Variants in SPTB observed in about 807,000 individuals in gnomAD.
The protein encoded by SPTB is spectrin beta, erythrocytic.
In SPTB, 45 loss-of-function variants were observed where a neutral mutation model predicts 256.2. The observed-to-expected ratio is 0.18, with a 90% CI of 0.14 to 0.23. The LOEUF (loss-of-function observed/expected upper bound fraction) is 0.23, where lower values mean the gene tolerates loss of function less well. Among genes scored for constraint, SPTB ranks in the 10% least tolerant of loss-of-function variants. The pLI is 1.00. For synonymous variants in SPTB, 1,231 were observed against 1,243.1 expected, an observed-to-expected ratio of 0.99 and a Z score of 0.21; for missense variants, 2,715 against 3,040.4, an observed-to-expected ratio of 0.89 and a Z score of 2.52.
intron 32 of SPTB, 58 bp from the exon 33 acceptor site, chr14:64,753,851 G>A: frequency 6.2e-7 from 1 of 1,602,534 alleles, no homozygotes; most frequent in Non-Finnish European, 8.5e-7. Context: ...AGAGATGGCT[G>A]TTCTCAGCAA....
chr14:64,801,209 C>A, intron 7 of SPTB, 76 bp downstream of exon 7: 3 of 1,301,822 alleles, frequency 2.3e-6, no homozygotes, highest in Non-Finnish European at 3.3e-6. Flanking sequence ...GAAGTCCTGG[C>A]GGCTGAGCTC....
chr14:64,752,474 G>C (rs1434393221), intron 33 of SPTB, among the ~76,000 whole-genome samples: 2 of 152,218 alleles, frequency 1.3e-5, no homozygotes, highest in Non-Finnish European at 2.9e-5. Flanking sequence ...CTGGCAGAAA[G>C]GCAGTTACTA....
intron 2 of SPTB, among the ~76,000 whole-genome samples, chr14:64,815,587 T>C (rs1478689831): frequency 6.6e-6 from 1 of 152,198 alleles, no homozygotes; most frequent in Non-Finnish European, 1.5e-5. Flanking sequence ...GGTGGCTGCA[T>C]AGAGAGATTA....
At chr14:64,813,540 G>A (rs1012055941) in intron 2 of SPTB, among the ~76,000 whole-genome samples, 1 of 152,032 alleles carries the variant, frequency 6.6e-6, no homozygotes, top group Non-Finnish European at 1.5e-5. Context: ...TTTGTTTTTC[G>A]AGATGGAGTC....
rs919095411 is a variant in SPTB at position 64,826,615 on chromosome 14, G to A, written c.-51-3470C>T. Reference sequence around the variant, plus strand: ...GCCCATCAGTAAACCCAGGAAAAAAGGCATAAGTACTTCCTTGTCCATTCA... The same window carrying A: ...GCCCATCAGTAAACCCAGGAAAAAAAGCATAAGTACTTCCTTGTCCATTCA... On this transcript the variant is annotated intron_variant, in intron 1 of 35. Transcript: ENST00000644917. This position sits in a 1 kb window ranked among gnomAD's most constrained non-coding sequence, Gnocchi z 4.4. Among the ~76,000 whole-genome samples the A allele has an allele frequency of 1.7e-4, 26 of 152,096 alleles. No homozygotes were observed. The highest frequency in any genetic ancestry group is 2.0e-4 in the Admixed American group (3 of 15,270).
intron 32 of SPTB, among the ~76,000 whole-genome samples, chr14:64,762,485 C>T (rs977046942): frequency 2.0e-5 from 3 of 152,210 alleles, no homozygotes; most frequent in Non-Finnish European, 2.9e-5. Flanking sequence ...AGCCAGACAC[C>T]GGCCAAGAGG....
intron 20 of SPTB, 135 bp from the exon 21 acceptor site, chr14:64,780,066 T>A: frequency 1.3e-6 from 1 of 772,356 alleles, no homozygotes; most frequent in Non-Finnish European, 2.3e-6. Flanking sequence ...TCTCCTTGGA[T>A]GCTCCCAGTC....
rs1344687642 is a variant in SPTB, at chr14:64,777,314, C to T, written c.4563+1843G>A. 1.3e-5 allele frequency among the ~76,000 whole-genome samples: 2 copies of T among 152,160 alleles called. No homozygotes were observed. Among genetic ancestry groups the T allele is most frequent in the African/African-American group, 4.8e-5 (2 of 41,428 alleles). On this transcript the variant is annotated intron_variant, in intron 22 of 35. Transcript: ENST00000644917. This position sits in a 1 kb window ranked among gnomAD's most constrained non-coding sequence, Gnocchi z 4.5. ...AGAAGAGCTGAGTTTCAGAAGCAGG[C>T]AGGGGTCAGGTCAGGCAAGAGTGGT... is the stretch of plus-strand genomic sequence containing the variant.
At position 64,767,335 on chromosome 14, in the gene SPTB, G is replaced by A; in HGVS notation, c.6237C>T (p.Arg2079=). Residue 2079 remains arginine (R), a synonymous_variant, in exon 31 of 36, where the codon CGC becomes CGT. Transcript: ENST00000644917. ...CCTCTGCGGGTCTCTCTGCAATCTG[G>A]CGTTCTTTCAGCTCAAGCTAGAGGA... ...EKPTTLELKE[R]QIAERPAEET... The A allele has an allele frequency of 6.2e-7, 1 of 1,614,068 alleles. No homozygotes were observed. Among genetic ancestry groups the A allele is most frequent in the Non-Finnish European group, 8.5e-7 (1 of 1,180,026 alleles).
At chr14:64,754,738 G>A (rs1411684913) in intron 32 of SPTB, 1 of 152,256 alleles carries the variant, frequency 6.6e-6, no homozygotes, top group East Asian at 1.9e-4. Context: ...TGACATACAG[G>A]TGCCCACGAG....
chr14:64,817,715 G>T (rs2083217581), intron 2 of SPTB, among the ~76,000 whole-genome samples: 1 of 152,264 alleles, frequency 6.6e-6, no homozygotes, highest in Admixed American at 6.5e-5. Flanking sequence ...TAAGGGAAAA[G>T]GGGCCTGAGG....
intron 8 of SPTB, 43 bp from the exon 9 acceptor site, chr14:64,799,977 G>T: frequency 1.2e-6 from 2 of 1,604,308 alleles, no homozygotes; most frequent in Non-Finnish European, 1.7e-6. Flanking sequence ...GAAGGGCAAT[G>T]CCACCACTGA....
intron 9 of SPTB, among the ~76,000 whole-genome samples, chr14:64,799,101 A>G (rs1298773424): frequency 6.7e-6 from 1 of 149,954 alleles, no homozygotes; most frequent in Non-Finnish European, 1.5e-5. Context: ...GTATGAGTGC[A>G]CGGTTGTGTG....
intron 15 of SPTB, among the ~76,000 whole-genome samples, 149 bp downstream of exon 15, chr14:64,791,565 CAAAAA>C (rs563905446): frequency 8.7e-5 from 4 of 45,868 alleles, no homozygotes; most frequent in African/African-American, 3.3e-4. Context: ...GGTTCTGTGT[CAAAAA>C]AAAAAAAAAA....
At chr14:64,753,820 C>T (rs575946264) in intron 32 of SPTB, 27 bp from the exon 33 acceptor site, 2 of 1,610,074 alleles carry the variant, frequency 1.2e-6, no homozygotes, top group South Asian at 1.1e-5. Flanking sequence ...GAGGAGCACA[C>T]CTTTCTGGGT....
chr14:64,783,830 G>T (rs934174576), intron 19 of SPTB, among the ~76,000 whole-genome samples: 7 of 152,212 alleles, frequency 4.6e-5, no homozygotes, highest in South Asian at 4.1e-4. Flanking sequence ...CCACTCCCCA[G>T]TGGTTCTGTC....
chr14:64,792,435 G>A lies in SPTB; in HGVS notation c.2666+562C>T, dbSNP rs2082689926. 6.6e-6 allele frequency among the ~76,000 whole-genome samples: 1 copy of A among 152,174 alleles called. No individual in the cohort carries two copies. Among genetic ancestry groups the A allele is most frequent in the Non-Finnish European group, 1.5e-5 (1 of 68,030 alleles). On this transcript the variant is annotated intron_variant, in intron 14 of 35. Coordinates refer to ENST00000644917, the MANE Select transcript of SPTB (RefSeq NM_001355436.2). The surrounding 1 kb of genome is among the most constrained non-coding windows in gnomAD (Gnocchi z 4.2). Reference sequence around the variant, plus strand: ...CACCTTGGCACTGTTCCAGAGAGCGGCCTCTCCTTCTCCTGACTGCCTGAA... The same window carrying A: ...CACCTTGGCACTGTTCCAGAGAGCGACCTCTCCTTCTCCTGACTGCCTGAA...
intron 1 of SPTB, among the ~76,000 whole-genome samples, chr14:64,837,661 G>A (rs2083545718): frequency 6.6e-6 from 1 of 152,142 alleles, no homozygotes; most frequent in Non-Finnish European, 1.5e-5. Flanking sequence ...GAGTGCAGTG[G>A]TGCGATCTCA....
At chr14:64,780,074 G>A (rs2082439614) in intron 20 of SPTB, 143 bp from the exon 21 acceptor site, 1 of 752,450 alleles carries the variant, frequency 1.3e-6, no homozygotes, top group Non-Finnish European at 2.4e-6. Flanking sequence ...GATGCTCCCA[G>A]TCATCTTTCC....
Sources: gnomAD v4.1 joint callset for allele counts (sites outside exome capture counted in the v4.1 genomes callset) on GRCh38, gnomAD v4.1.1 for gene constraint, Gnocchi (gnomAD v3.1) non-coding constraint, MANE v1.5 for transcripts, NCBI Gene and HGNC (gene_info 2026-07-23, HGNC 2026-07-21) for gene names.